CNTN6: variants seen among roughly 807,000 people sequenced by gnomAD.
CNTN6 encodes the protein contactin 6, also known as contactin-6.
CNTN6 carries 137 observed loss-of-function variants against 122.8 expected under a neutral mutation model. That is an observed-to-expected ratio of 1.12 (90% confidence interval 0.97 to 1.29). The LOEUF (loss-of-function observed/expected upper bound fraction) is 1.29, where lower values mean the gene tolerates loss of function less well. Among genes scored for constraint, CNTN6 ranks in the 50% most tolerant of loss-of-function variants. The pLI, the probability that CNTN6 is intolerant of heterozygous loss-of-function variation, is 0.00. For synonymous variants in CNTN6, 570 were observed against 426.0 expected (o/e 1.34, Z -4.16); for missense variants, 1,634 against 1,223.4 (o/e 1.34, Z -5.01).
intron 5 of CNTN6, among the ~76,000 whole-genome samples, chr3:1,294,645 G>A (rs1443317170): frequency 6.6e-6 from 1 of 152,140 alleles, no homozygotes; most frequent in Non-Finnish European, 1.5e-5. Context: ...AACAATGTGT[G>A]CCCTGTTTCA....
Position 1,227,918 on chromosome 3 carries a change from A to G in CNTN6, c.283A>G (p.Ile95Val), listed in dbSNP as rs1166760276. The G allele has an allele frequency of 1.9e-6, 3 of 1,613,956 alleles. No homozygotes were observed. Among genetic ancestry groups the G allele is most frequent in the African/African-American group, 2.7e-5 (2 of 74,906 alleles). ...CAATAGCCCCCACACAGATCAAGAT[A>G]TTGGCATGTACCAGTGCCTGGCCAC... ...AINSPHTDQDIGMYQCLATNL... is the reference protein window; with the variant it reads ...AINSPHTDQDVGMYQCLATNL... Residue 95 changes from isoleucine (I) to valine (V), a missense_variant, in exon 4 of 23, where the codon ATT becomes GTT. Ile to Val is a conservative substitution (Grantham distance 29). Coordinates refer to ENST00000446702, the MANE Select transcript of CNTN6 (RefSeq NM_001289080.2).
In CNTN6 at chr3:1,404,006, C is replaced by T. The variant is rs1696039829; in HGVS notation, c.*588C>T. On this transcript the variant is annotated 3_prime_UTR_variant, in exon 23 of 23. Transcript: ENST00000446702. The stretch of plus-strand genomic sequence containing the variant: ...TCAGAAGATTCAGTCACAATAAAGG[C>T]AGAAAAAGTATTTTATGGCAAAGAA... The T allele has an allele frequency of 6.6e-6, 1 of 151,930 alleles. No homozygotes were observed. The highest frequency in any genetic ancestry group is 2.1e-4 in the South Asian group (1 of 4,820). The allele number at this position is 151,930 out of a possible 1,614,324, so 9.4% of individuals were successfully genotyped here. A position where few individuals can be genotyped will look rare whatever the true frequency, so the allele number is the denominator to read the frequency against.
intron 2 of CNTN6, among the ~76,000 whole-genome samples, chr3:1,164,885 G>A (rs887322764): frequency 5.9e-5 from 9 of 152,236 alleles, no homozygotes; most frequent in Middle Eastern, 6.8e-3. Context: ...AGGACTCAAG[G>A]TACATTATAT....
intron 7 of CNTN6, among the ~76,000 whole-genome samples, chr3:1,312,812 CTTT>C (rs746158925): frequency 9.4e-5 from 13 of 137,948 alleles, no homozygotes; most frequent in African/African-American, 2.9e-4. Context: ...GGTTCAAATC[CTTT>C]TTTTTTTTTT....
At chr3:1,132,138 C>T (rs1177368293) in intron 1 of CNTN6, among the ~76,000 whole-genome samples, 1 of 152,058 alleles carries the variant, frequency 6.6e-6, no homozygotes, top group East Asian at 1.9e-4. Flanking sequence ...CAGATTGGGC[C>T]TGACACTTCT....
chr3:1,233,890 T>C (rs2094389485), intron 4 of CNTN6, among the ~76,000 whole-genome samples: 1 of 152,040 alleles, frequency 6.6e-6, no homozygotes, highest in Admixed American at 6.6e-5. Context: ...TCATATACAA[T>C]GGAGTGAACG....
chr3:1,260,315 C>T (rs551824390), intron 4 of CNTN6, among the ~76,000 whole-genome samples: 11 of 152,206 alleles, frequency 7.2e-5, no homozygotes, highest in African/African-American at 1.2e-4. Context: ...CGATTCAAAA[C>T]ATCCAGAGGC....
chr3:1,361,748 AT>A (rs1331178411), intron 12 of CNTN6, among the ~76,000 whole-genome samples: 2 of 152,268 alleles, frequency 1.3e-5, no homozygotes, highest in East Asian at 1.9e-4. Flanking sequence ...TATTGTTAAA[AT>A]ATTTAAAAAT....
At chr3:1,395,374 AG>A (rs1330816565) in intron 20 of CNTN6, among the ~76,000 whole-genome samples, 1 of 152,170 alleles carries the variant, frequency 6.6e-6, no homozygotes, top group African/African-American at 2.4e-5. Context: ...GGGCTGCACT[AG>A]CTTTGGAAGC....
chr3:1,093,959 G>C (rs1024448399), intron 1 of CNTN6, among the ~76,000 whole-genome samples: 1 of 152,128 alleles, frequency 6.6e-6, no homozygotes, highest in Non-Finnish European at 1.5e-5. Flanking sequence ...TCAGCATCCT[G>C]ACTATGTCCT....
intron 1 of CNTN6, among the ~76,000 whole-genome samples, chr3:1,117,849 A>G (rs772324380): frequency 6.6e-6 from 1 of 152,174 alleles, no homozygotes; most frequent in African/African-American, 2.4e-5. Flanking sequence ...CAGCAATTCT[A>G]AAGTGTATAT....
intron 20 of CNTN6, among the ~76,000 whole-genome samples, chr3:1,392,326 A>G (rs1192945566): frequency 1.3e-5 from 2 of 152,166 alleles, no homozygotes; most frequent in Non-Finnish European, 2.9e-5. Context: ...TATTTAATAA[A>G]TGGTGCTGGG....
chr3:1,205,811 A>G (rs1270850497), intron 2 of CNTN6, among the ~76,000 whole-genome samples: 1 of 152,200 alleles, frequency 6.6e-6, no homozygotes, highest in Non-Finnish European at 1.5e-5. Context: ...AAATGTATAA[A>G]TAGATGCAGA....
chr3:1,244,750 G>A (rs1575395688), intron 4 of CNTN6, among the ~76,000 whole-genome samples: 1 of 152,182 alleles, frequency 6.6e-6, no homozygotes, highest in Non-Finnish European at 1.5e-5. Context: ...GGGTGGGGCT[G>A]TTTTATAGGA....
intron 6 of CNTN6, among the ~76,000 whole-genome samples, chr3:1,297,083 C>T (rs1302093225): frequency 1.3e-5 from 2 of 152,084 alleles, no homozygotes; most frequent in Non-Finnish European, 2.9e-5. Flanking sequence ...GTAGTACTCA[C>T]TACCTTCTCA....
At chr3:1,099,255 TC>T (rs1253725377) in intron 1 of CNTN6, among the ~76,000 whole-genome samples, 2 of 151,872 alleles carry the variant, frequency 1.3e-5, no homozygotes, top group African/African-American at 2.4e-5. Context: ...ATCGAGACCA[TC>T]CTGGCTAACA....
chr3:1,374,219 T>C (rs989945640), intron 16 of CNTN6, 146 bp downstream of exon 16: 2 of 707,000 alleles, frequency 2.8e-6, no homozygotes, highest in Admixed American at 6.9e-5. Flanking sequence ...CTTTTATTTT[T>C]ACATACACAA....
At chr3:1,346,151 T>A (rs1483530172) in intron 11 of CNTN6, among the ~76,000 whole-genome samples, 1 of 152,100 alleles carries the variant, frequency 6.6e-6, no homozygotes, top group Admixed American at 6.6e-5. Context: ...GTAAATAAAT[T>A]AAGGATTGGG....
intron 20 of CNTN6, among the ~76,000 whole-genome samples, chr3:1,388,461 GA>G (rs1003846830): frequency 6.6e-6 from 1 of 151,660 alleles, no homozygotes; most frequent in African/African-American, 2.4e-5. Context: ...CAAAGATGGG[GA>G]AAAAACAGAA....
Sources: allele counts gnomAD v4.1 joint callset (sites outside exome capture counted in the v4.1 genomes callset), GRCh38; gene constraint gnomAD v4.1.1; transcripts MANE v1.5; gene names NCBI Gene and HGNC (gene_info 2026-07-23, HGNC 2026-07-21).